Variants in SYNE1 observed in about 807,000 individuals in gnomAD.
SYNE1 encodes the protein nesprin-1.
In SYNE1, 616 loss-of-function variants were observed where a neutral mutation model predicts 1,111.0. That is an observed-to-expected ratio of 0.55 (90% confidence interval 0.52 to 0.59). The LOEUF (loss-of-function observed/expected upper bound fraction) is 0.59, where lower values mean the gene tolerates loss of function less well. SYNE1 is among the 20% of genes least tolerant of loss of function. The probability of loss-of-function intolerance (pLI) is 0.00; values close to 1 mark genes in which losing one functional copy is unlikely to be tolerated. For synonymous variants in SYNE1, 3,855 were observed against 3,825.8 expected (o/e 1.01, Z -0.28); for missense variants, 10,006 against 10,417.0 (o/e 0.96, Z 1.72).
chr6:152,451,037 G>A lies in SYNE1; in HGVS notation c.3186+10C>T, dbSNP rs1056448345. ...ACACGGCTATCCACATTGTGGTGTG[G>A]GAGACGTACCCTGTGCTCTTTAATT... On this transcript the variant is annotated intron_variant, in intron 26 of 145. Transcript: ENST00000367255. 7 of 1,614,050 alleles carry A rather than the reference G, an allele frequency of 4.3e-6. No homozygotes were observed. In the East Asian group the frequency reaches 1.3e-4, roughly 31 times the overall value.
At chr6:152,366,878 A>G (rs148775447) in intron 62 of SYNE1, 26 of 413,040 alleles carry the variant, frequency 6.3e-5, no homozygotes, top group African/African-American at 4.9e-4. Context: ...AGTGAGTGGA[A>G]AAAGATGGAA....
chr6:152,283,615 C>T (rs1263788143), intron 96 of SYNE1, among the ~76,000 whole-genome samples: 1 of 152,206 alleles, frequency 6.6e-6, no homozygotes, highest in Admixed American at 6.5e-5. Context: ...TGGCTCACCA[C>T]AACCTCTGCC....
intron 78 of SYNE1, 125 bp downstream of exon 78, chr6:152,329,605 G>T: frequency 1.6e-6 from 2 of 1,219,786 alleles, no homozygotes; most frequent in Non-Finnish European, 2.4e-6. Context: ...TGCTGAAGAT[G>T]CTTCTGTGTA....
At chr6:152,268,972 C>A (rs2092970826) in intron 99 of SYNE1, among the ~76,000 whole-genome samples, 183 bp downstream of exon 99, 1 of 152,160 alleles carries the variant, frequency 6.6e-6, no homozygotes, top group African/African-American at 2.4e-5. Context: ...TTTCAAATGA[C>A]CAATCATCCC....
In SYNE1 at chr6:152,331,358, G is replaced by A; in HGVS notation, c.13327C>T (p.Gln4443Ter). The A allele has an allele frequency of 6.2e-7, 1 of 1,614,096 alleles. No individual in the cohort carries two copies. The highest frequency in any genetic ancestry group is 8.5e-7 in the Non-Finnish European group (1 of 1,180,026). The change falls in exon 78 of 146, where the codon CAG becomes TAG. Residue 4443 changes from glutamine to a stop codon, truncating the protein, a stop_gained. Transcript: ENST00000367255. LOFTEE classifies it high-confidence loss of function. ...HVNCLSDLVG[Q>*]RRKYLNKALS... ...GCTTTGTTTAAGTACTTTCTTCGCT[G>A]GCCCACTAAGTCACTGAGACAATTC...
intron 4 of SYNE1, among the ~76,000 whole-genome samples, chr6:152,530,503 C>G (rs2099191840): frequency 6.7e-6 from 1 of 148,934 alleles, no homozygotes; most frequent in African/African-American, 2.5e-5. Context: ...AACAGTCCCC[C>G]TTTATGTGCA....
intron 72 of SYNE1, among the ~76,000 whole-genome samples, chr6:152,349,104 G>T (rs1403882595): frequency 2.0e-5 from 3 of 152,214 alleles, no homozygotes; most frequent in African/African-American, 7.2e-5. Flanking sequence ...GGGCTAACTG[G>T]CTTTCCTAAG....
intron 117 of SYNE1, among the ~76,000 whole-genome samples, chr6:152,222,810 C>T (rs1010718991): frequency 1.3e-5 from 2 of 152,090 alleles, no homozygotes; most frequent in Admixed American, 1.3e-4. Context: ...CTTTAGTGAT[C>T]CACCGTACAG....
chr6:152,353,233 T>C, intron 69 of SYNE1, 30 bp downstream of exon 69: 1 of 1,613,978 alleles, frequency 6.2e-7, no homozygotes, highest in Non-Finnish European at 8.5e-7. Context: ...ACGGAAAGGT[T>C]GGATACAAAT....
intron 39 of SYNE1, among the ~76,000 whole-genome samples, chr6:152,421,893 A>G (rs948853846): frequency 6.6e-6 from 1 of 151,948 alleles, no homozygotes; most frequent in Admixed American, 6.6e-5. Flanking sequence ...ATTAGTAGAG[A>G]TGGAGTTTCA....
rs142168095 is a variant in SYNE1 at position 152,320,595 on chromosome 6, GAC to G, written c.16236+641_16236+642del. 5.4e-3 allele frequency among the ~76,000 whole-genome samples: 828 copies of G among 152,116 alleles called. 13 individuals carry two copies. Among genetic ancestry groups the G allele is most frequent in the African/African-American group, 0.019 (795 of 41,482 alleles). On this transcript the variant is annotated intron_variant, in intron 84 of 145. Transcript: ENST00000367255. ...CTACATGAAATTGTGCTCTTCATGA[GAC>G]CAGAGACAGAAATCTCACTCTGGTC...
chr6:152,219,883 GATA>G (rs2079716294), intron 119 of SYNE1, among the ~76,000 whole-genome samples: 1 of 152,186 alleles, frequency 6.6e-6, no homozygotes. Flanking sequence ...ATCATTGAGA[GATA>G]ATAAGTGACT....
rs1409789046 is a variant in SYNE1 at position 152,331,667 on chromosome 6, C to T, written c.13018G>A (p.Val4340Ile). The T allele has an allele frequency of 2.0e-5, 33 of 1,614,070 alleles. No individual in the cohort carries two copies. Among genetic ancestry groups the T allele is most frequent in the African/African-American group, 6.7e-5 (5 of 74,922 alleles). ...DLIKRKIQVS[V>I]TNLEELNVVQ... ...ACATTTAACTCCTCCAAGTTGGTGACTGACACTTGGATTTTCCTTTTAATG... is the reference window on the plus strand; with the variant it reads ...ACATTTAACTCCTCCAAGTTGGTGATTGACACTTGGATTTTCCTTTTAATG... The change falls in exon 78 of 146, where the codon GTC (valine) becomes ATC (isoleucine). Residue 4340 changes from valine (V) to isoleucine (I), a missense_variant. Physicochemically the swap from Val to Ile is conservative, Grantham distance 29 (BLOSUM62 3). Coordinates refer to ENST00000367255, the MANE Select transcript of SYNE1 (RefSeq NM_182961.4).
chr6:152,600,382 T>A (rs2099593298), intron 3 of SYNE1, among the ~76,000 whole-genome samples: 1 of 152,170 alleles, frequency 6.6e-6, no homozygotes, highest in South Asian at 2.1e-4. Context: ...GGGTGATAAT[T>A]TTTTTTAAAA....
intron 105 of SYNE1, among the ~76,000 whole-genome samples, chr6:152,248,693 T>C (rs980892748): frequency 3.3e-5 from 5 of 152,190 alleles, no homozygotes; most frequent in African/African-American, 1.2e-4. Flanking sequence ...CCTTTTTTCT[T>C]GCTGTCCTCT....
chr6:152,389,641 AGG>A (rs940554612), intron 53 of SYNE1, among the ~76,000 whole-genome samples: 3 of 152,208 alleles, frequency 2.0e-5, no homozygotes, highest in Non-Finnish European at 2.9e-5. Context: ...ATAACAATCA[AGG>A]ACTTCCCTGC....
rs2056410770 is a variant in SYNE1 at position 152,133,765 on chromosome 6, A to T, written c.25789-277T>A. The T allele has an allele frequency of 6.5e-6, 3 of 458,180 alleles. No homozygotes were observed. The South Asian group carries it at 7.3e-5, about 11-fold the overall frequency. The allele number at this position is 458,180 out of a possible 1,614,324, so 28.4% of individuals were successfully genotyped here. A position where few individuals can be genotyped will look rare whatever the true frequency, so the allele number is the denominator to read the frequency against. ...AAGGTTCAAATTAGTTAATGTATATATGACAGTAATTAAAATATAGATTAG... is the reference window on the plus strand; with the variant it reads ...AAGGTTCAAATTAGTTAATGTATATTTGACAGTAATTAAAATATAGATTAG... On this transcript the variant is annotated intron_variant, in intron 142 of 145. Transcript: ENST00000367255.
intron 3 of SYNE1, among the ~76,000 whole-genome samples, chr6:152,591,285 C>T (rs9478339): frequency 0.074 from 11,242 of 152,168 alleles, 1,384 homozygotes; most frequent in African/African-American, 0.26. Context: ...GTAACCAAAA[C>T]AGCATGTTAT....
chr6:152,453,576 C>G lies in SYNE1; in HGVS notation c.3027+10G>C. ...AGGATGCACGGTGTCTCCGTCCTGT[C>G]CTGACTCACCTTCCATTGTTTGTGG... On this transcript the variant is annotated intron_variant, in intron 25 of 145. Transcript: ENST00000367255. 6.2e-7 allele frequency: 1 copy of G among 1,614,232 alleles called. No individual in the cohort carries two copies. The highest frequency in any genetic ancestry group is 2.2e-5 in the East Asian group (1 of 44,888).
Sources: gnomAD v4.1 joint callset for allele counts (sites outside exome capture counted in the v4.1 genomes callset) on GRCh38, gnomAD v4.1.1 for gene constraint, MANE v1.5 for transcripts, NCBI Gene and HGNC (gene_info 2026-07-23, HGNC 2026-07-21) for gene names.